Variants in SNTG1 observed in about 807,000 individuals in gnomAD.
SNTG1 encodes the protein syntrophin gamma 1, also known as gamma-1-syntrophin.
In SNTG1, 39 loss-of-function variants were observed where a neutral mutation model predicts 74.7. That is an observed-to-expected ratio of 0.52 (90% CI 0.40 to 0.68). The LOEUF (loss-of-function observed/expected upper bound fraction) is 0.68, where lower values mean the gene tolerates loss of function less well. Ranked by LOEUF, SNTG1 falls within the 30% of genes least tolerant of loss-of-function variation. SNTG1 has a pLI of 0.00. For synonymous variants in SNTG1, 254 were observed against 217.1 expected (o/e 1.17, Z -1.49); for missense variants, 685 against 609.5 (o/e 1.12, Z -1.30).
At chr8:50,097,233 G>C (rs1177313218) in intron 1 of SNTG1, among the ~76,000 whole-genome samples, 1 of 152,052 alleles carries the variant, frequency 6.6e-6, no homozygotes, top group African/African-American at 2.4e-5. Flanking sequence ...GCCTCCCAAA[G>C]ACTAAAACTT....
At chr8:50,693,599 C>G (rs111292818) in intron 15 of SNTG1, among the ~76,000 whole-genome samples, 1 of 152,070 alleles carries the variant, frequency 6.6e-6, no homozygotes, top group East Asian at 1.9e-4. Context: ...TTGAACAATG[C>G]GTTAGACCAA....
intron 2 of SNTG1, among the ~76,000 whole-genome samples, chr8:50,212,912 C>T (rs776285725): frequency 3.3e-5 from 5 of 152,144 alleles, no homozygotes; most frequent in Non-Finnish European, 7.4e-5. Flanking sequence ...TGTGAGAGAA[C>T]GTGTGGAAGC....
At chr8:50,688,179 G>A (rs140242176) in intron 15 of SNTG1, among the ~76,000 whole-genome samples, 4,088 of 152,058 alleles carry the variant, frequency 0.027, 184 homozygotes, top group African/African-American at 0.094. Flanking sequence ...TGAGTAGATT[G>A]CAAAAATTTT....
chr8:50,258,651 C>G (rs2086998867), intron 2 of SNTG1, among the ~76,000 whole-genome samples: 1 of 152,032 alleles, frequency 6.6e-6, no homozygotes, highest in South Asian at 2.1e-4. Flanking sequence ...GAACTATTCA[C>G]TCATGGGGCT....
intron 1 of SNTG1, among the ~76,000 whole-genome samples, chr8:49,974,735 G>A (rs895620835): frequency 2.0e-5 from 3 of 152,108 alleles, no homozygotes; most frequent in Non-Finnish European, 2.9e-5. Context: ...TTAAAATAAT[G>A]TAAGAAGCTT....
At chr8:49,982,216 A>G (rs1319857934) in intron 1 of SNTG1, among the ~76,000 whole-genome samples, 1 of 152,122 alleles carries the variant, frequency 6.6e-6, no homozygotes, top group Non-Finnish European at 1.5e-5. Context: ...TTCAGTTATA[A>G]TATGTATGGG....
At chr8:50,404,842 G>A (rs1157909384) in intron 4 of SNTG1, among the ~76,000 whole-genome samples, 1 of 151,942 alleles carries the variant, frequency 6.6e-6, no homozygotes, top group East Asian at 1.9e-4. Flanking sequence ...GGTAACCACT[G>A]TTCTACTTTC....
At chr8:50,014,590 A>G (rs1314535514) in intron 1 of SNTG1, among the ~76,000 whole-genome samples, 1 of 152,182 alleles carries the variant, frequency 6.6e-6, no homozygotes, top group Non-Finnish European at 1.5e-5. Context: ...CTAAGCAGGA[A>G]GTGAAGGCTA....
At chr8:50,583,773 C>CT (rs1255358176) in intron 12 of SNTG1, among the ~76,000 whole-genome samples, 271 of 128,248 alleles carry the variant, frequency 2.1e-3, no homozygotes, top group African/African-American at 4.9e-3. Flanking sequence ...TTTTTCTTTT[C>CT]TTTTTTTTTT....
At chr8:50,734,104 C>T (rs1316828072) in intron 17 of SNTG1, among the ~76,000 whole-genome samples, 1 of 151,360 alleles carries the variant, frequency 6.6e-6, no homozygotes, top group Non-Finnish European at 1.5e-5. Flanking sequence ...GACTTAATTG[C>T]CCCAAATAGT....
At chr8:50,741,349 C>G (rs2095542871) in intron 17 of SNTG1, among the ~76,000 whole-genome samples, 1 of 151,980 alleles carries the variant, frequency 6.6e-6, no homozygotes, top group Non-Finnish European at 1.5e-5. Flanking sequence ...TCTTAAATTC[C>G]TGACCTCAGG....
intron 1 of SNTG1, among the ~76,000 whole-genome samples, chr8:50,085,362 T>A (rs1822786139): frequency 6.6e-6 from 1 of 152,220 alleles, no homozygotes; most frequent in Non-Finnish European, 1.5e-5. Flanking sequence ...CTTCCTTCTA[T>A]ACTATATAGT....
intron 2 of SNTG1, among the ~76,000 whole-genome samples, chr8:50,195,010 T>C (rs902403866): frequency 6.6e-6 from 1 of 151,970 alleles, no homozygotes; most frequent in Non-Finnish European, 1.5e-5. Flanking sequence ...ACTCACAAGA[T>C]TATATGCCCC....
chr8:50,089,722 A>G (rs961539059), intron 1 of SNTG1, among the ~76,000 whole-genome samples: 4 of 152,192 alleles, frequency 2.6e-5, no homozygotes, highest in African/African-American at 4.8e-5. Flanking sequence ...ATCTCACACC[A>G]GTTAGAATGG....
At chr8:50,145,069 G>C (rs1457643174) in intron 1 of SNTG1, among the ~76,000 whole-genome samples, 2 of 152,084 alleles carry the variant, frequency 1.3e-5, no homozygotes, top group Admixed American at 1.3e-4. Context: ...TGCCCTCCAC[G>C]CCGAGAGGAC....
At chr8:50,219,430 T>A (rs1241281669) in intron 2 of SNTG1, among the ~76,000 whole-genome samples, 1 of 152,174 alleles carries the variant, frequency 6.6e-6, no homozygotes, top group Non-Finnish European at 1.5e-5. Context: ...CACCAGTGTT[T>A]TTGTCTGTTC....
chr8:50,432,756 T>C (rs1333524658), intron 4 of SNTG1, among the ~76,000 whole-genome samples: 1 of 151,838 alleles, frequency 6.6e-6, no homozygotes, highest in Admixed American at 6.6e-5. Flanking sequence ...AATATTTTTC[T>C]TTTATTTTTT....
At chr8:50,378,565 T>C (rs528353651) in intron 2 of SNTG1, among the ~76,000 whole-genome samples, 2 of 152,214 alleles carry the variant, frequency 1.3e-5, no homozygotes, top group East Asian at 1.9e-4. Context: ...AGGAGCTTTA[T>C]TGATAGATAG....
At chr8:50,492,123 T>C (rs2093861871) in intron 8 of SNTG1, among the ~76,000 whole-genome samples, 1 of 152,208 alleles carries the variant, frequency 6.6e-6, no homozygotes, top group Non-Finnish European at 1.5e-5. Flanking sequence ...ATTTTCTTTA[T>C]CCAGTCTATC....
Sources: allele counts gnomAD v4.1 joint callset (sites outside exome capture counted in the v4.1 genomes callset), GRCh38; gene constraint gnomAD v4.1.1; transcripts MANE v1.5; gene names NCBI Gene and HGNC (gene_info 2026-07-23, HGNC 2026-07-21).